RNF169: variants seen among roughly 807,000 people sequenced by gnomAD.
The protein encoded by RNF169 is ring finger protein 169.
Under a neutral mutation model 53.9 loss-of-function variants are expected in RNF169, and 24 were observed. The ratio of observed to expected loss-of-function variants is 0.45; its 90% CI spans 0.32 to 0.63. The LOEUF (loss-of-function observed/expected upper bound fraction) is 0.63. Ranked by LOEUF, RNF169 falls within the 20% of genes least tolerant of loss-of-function variation. RNF169 has a pLI of 0.04. For missense variants in RNF169, 883 were observed against 906.2 expected (o/e 0.97, Z 0.33); for synonymous variants, 396 against 363.5 (o/e 1.09, Z -1.02).
At chr11:74,819,680 C>CTGA (rs2035984035) in intron 4 of RNF169, among the ~76,000 whole-genome samples, 1 of 152,144 alleles carries the variant, frequency 6.6e-6, no homozygotes, top group South Asian at 2.1e-4. Flanking sequence ...CTTAGATTGG[C>CTGA]TGATGGCTGT....
chr11:74,812,109 A>C (rs2035883654), intron 3 of RNF169, among the ~76,000 whole-genome samples: 1 of 152,102 alleles, frequency 6.6e-6, no homozygotes, highest in Non-Finnish European at 1.5e-5. Context: ...ACCATTTTTG[A>C]AATAGAAATC....
intron 4 of RNF169, among the ~76,000 whole-genome samples, chr11:74,829,609 T>C (rs570148382): frequency 1.6e-3 from 237 of 152,300 alleles, no homozygotes; most frequent in Non-Finnish European, 3.0e-3. Flanking sequence ...CATTCAGTGA[T>C]AGACCGAATA....
In RNF169 at chr11:74,835,571, A is replaced by G; in HGVS notation, c.968A>G (p.Asn323Ser). The G allele has an allele frequency of 6.2e-7, 1 of 1,613,926 alleles. No individual in the cohort carries two copies. The highest frequency in any genetic ancestry group is 8.5e-7 in the Non-Finnish European group (1 of 1,179,930). Residue 323 changes from asparagine to serine, a missense_variant, in exon 6 of 6, where the codon AAC becomes AGC. Asn to Ser is a conservative substitution (Grantham distance 46, BLOSUM62 1). Coordinates refer to ENST00000299563, the MANE Select transcript of RNF169 (RefSeq NM_001098638.2). ...GTCACAACTATGACTCCAGCCTCCAACCCCATCATTGGTGTCCTCTTGTCA... is the reference window on the plus strand; with the variant it reads ...GTCACAACTATGACTCCAGCCTCCAGCCCCATCATTGGTGTCCTCTTGTCA... ...AKVTTMTPAS[N>S]PIIGVLLSTQ...
intron 1 of RNF169, among the ~76,000 whole-genome samples, chr11:74,755,963 C>T (rs545330904): frequency 1.1e-4 from 16 of 152,164 alleles, no homozygotes; most frequent in Middle Eastern, 3.4e-3. Flanking sequence ...TCATACTGTG[C>T]TTTAGAAAGA....
At position 74,836,225 on chromosome 11, in the gene RNF169, C is replaced by A. The variant is rs747010793; in HGVS notation, c.1622C>A (p.Thr541Asn). 6.2e-7 allele frequency: 1 copy of A among 1,614,160 alleles called. No individual in the cohort carries two copies. The highest frequency in any genetic ancestry group is 1.7e-5 in the Admixed American group (1 of 60,022). ...SSELKGGGSG[T>N]SLEREQFEGL... ...GAACTCAAAGGGGGAGGCAGTGGGA[C>A]TTCTTTGGAGAGGGAGCAGTTTGAG... is the stretch of plus-strand genomic sequence containing the variant. Residue 541 changes from threonine (T) to asparagine (N), a missense_variant, in exon 6 of 6, where the codon ACT (threonine) becomes AAT (asparagine). Physicochemically the swap from Thr to Asn is moderately conservative, Grantham distance 65. Coordinates refer to ENST00000299563, the MANE Select transcript of RNF169 (RefSeq NM_001098638.2).
chr11:74,767,601 G>A (rs868051958), intron 1 of RNF169, among the ~76,000 whole-genome samples: 3 of 151,356 alleles, frequency 2.0e-5, no homozygotes, highest in Non-Finnish European at 1.5e-5. Flanking sequence ...ATGGAGTCTC[G>A]CTCTGTCGCC....
chr11:74,835,854 C>T lies in RNF169; in HGVS notation c.1251C>T (p.Ser417=), dbSNP rs2135154840. 1 of 1,614,156 alleles carries T rather than the reference C, an allele frequency of 6.2e-7. No individual in the cohort carries two copies. Among genetic ancestry groups the T allele is most frequent in the Middle Eastern group, 1.6e-4 (1 of 6,062 alleles). Residue 417 remains serine (S), a synonymous_variant, in exon 6 of 6, where the codon AGC becomes AGT. Transcript: ENST00000299563. ...CAACTCCACGCAACCTAAACAGAAG[C>T]CTGCAGAAGCAGACTTCTTATGAGG... The part of the protein sequence containing the change: ...IKSTPRNLNR[S]LQKQTSYEAS...
chr11:74,816,225 A>T (rs142121374), intron 3 of RNF169, among the ~76,000 whole-genome samples: 1 of 152,342 alleles, frequency 6.6e-6, no homozygotes, highest in Non-Finnish European at 1.5e-5. Context: ...TTTGATAATC[A>T]TTTGATCATT....
chr11:74,771,704 C>CA (rs982362297), intron 1 of RNF169, among the ~76,000 whole-genome samples: 1 of 151,130 alleles, frequency 6.6e-6, no homozygotes, highest in African/African-American at 2.4e-5. Context: ...ACTTTGTCTC[C>CA]AAAAAAAATA....
intron 4 of RNF169, among the ~76,000 whole-genome samples, chr11:74,827,276 T>C (rs1485756158): frequency 1.3e-5 from 2 of 152,172 alleles, no homozygotes; most frequent in Non-Finnish European, 2.9e-5. Context: ...CATTGGCCCC[T>C]TTTAGCCACG....
Position 74,749,044 on chromosome 11 carries a change from T to G in RNF169, c.164T>G (p.Leu55Arg). The change falls in exon 1 of 6, where the codon CTG (leucine) becomes CGG (arginine). Residue 55 changes from leucine to arginine, a missense_variant. Around this residue, in one of 3 missense-constraint regions of RNF169, gnomAD observed 313 missense variants for 279.9 expected, o/e 1.12. Coordinates refer to ENST00000299563, the MANE Select transcript of RNF169 (RefSeq NM_001098638.2). Reference protein sequence around the residue: ...PSLLVLSPPLLQPPLPPRPEE... With the variant: ...PSLLVLSPPLRQPPLPPRPEE... Reference sequence around the variant, plus strand: ...CTGTTGGTGTTGTCGCCGCCGTTGCTGCAGCCGCCGCTGCCGCCGCGGCCG... The same window carrying G: ...CTGTTGGTGTTGTCGCCGCCGTTGCGGCAGCCGCCGCTGCCGCCGCGGCCG... The G allele has an allele frequency of 6.8e-7, 1 of 1,468,730 alleles. No homozygotes were observed. Among genetic ancestry groups the G allele is most frequent in the Non-Finnish European group, 9.0e-7 (1 of 1,108,612 alleles). 91.0% of individuals were successfully genotyped at this position (1,468,730 alleles called of 1,614,324 possible). A position where few individuals can be genotyped will look rare whatever the true frequency, so the allele number is the denominator to read the frequency against.
intron 1 of RNF169, among the ~76,000 whole-genome samples, chr11:74,766,035 A>T (rs2135318964): frequency 6.6e-6 from 1 of 152,226 alleles, no homozygotes; most frequent in African/African-American, 2.4e-5. Flanking sequence ...ATCAAAGAAA[A>T]GGCATAAATA....
At chr11:74,794,023 T>G (rs1313371631) in intron 2 of RNF169, among the ~76,000 whole-genome samples, 1 of 152,212 alleles carries the variant, frequency 6.6e-6, no homozygotes, top group African/African-American at 2.4e-5. Context: ...AAATATTTAT[T>G]GTGCCCCTAG....
Position 74,836,556 on chromosome 11 carries a change from A to G in RNF169, c.1953A>G (p.Pro651=). Reference sequence around the variant, plus strand: ...CCAGTGGGGAGGTGGGTCTGGCCCCAACAGACCCAGTCCTGCGAGAGATGG... The same window carrying G: ...CCAGTGGGGAGGTGGGTCTGGCCCCGACAGACCCAGTCCTGCGAGAGATGG... ...RQTSGEVGLA[P]TDPVLREMEQ... The change falls in exon 6 of 6, where the codon CCA becomes CCG. Residue 651 remains proline, a synonymous_variant. Transcript: ENST00000299563. The G allele has an allele frequency of 6.2e-7, 1 of 1,614,128 alleles. No homozygotes were observed. Among genetic ancestry groups the G allele is most frequent in the Non-Finnish European group, 8.5e-7 (1 of 1,180,022 alleles).
rs902767050 is a variant in RNF169, at chr11:74,817,503, A to G, written c.724-93A>G. ...AAACATAGGTTGGAGCTCACAGAGA[A>G]GCGACATAGAGAAAGAGATTTGAAC... On this transcript the variant is annotated intron_variant, in intron 3 of 5. Transcript: ENST00000299563. 16 of 752,074 alleles carry G rather than the reference A, an allele frequency of 2.1e-5. No individual in the cohort carries two copies. The Admixed American group carries it at 3.5e-4, about 16-fold the overall frequency. 46.6% of individuals were successfully genotyped at this position (752,074 alleles called of 1,614,324 possible).
intron 1 of RNF169, among the ~76,000 whole-genome samples, chr11:74,766,217 G>A (rs1006612916): frequency 4.6e-5 from 7 of 152,302 alleles, no homozygotes; most frequent in African/African-American, 1.7e-4. Context: ...GACTAGAAAT[G>A]TAACTAATTA....
At chr11:74,786,908 G>A (rs1373310007) in intron 1 of RNF169, among the ~76,000 whole-genome samples, 1 of 152,160 alleles carries the variant, frequency 6.6e-6, no homozygotes, top group East Asian at 1.9e-4. Context: ...AAGTATTTTG[G>A]AGAAAGCAAA....
At chr11:74,799,770 A>G (rs1334201217) in intron 2 of RNF169, among the ~76,000 whole-genome samples, 1 of 151,980 alleles carries the variant, frequency 6.6e-6, no homozygotes, top group Non-Finnish European at 1.5e-5. Context: ...GAACATAAGC[A>G]GAATTGTGCA....
At chr11:74,802,960 G>A (rs1438928843) in intron 2 of RNF169, among the ~76,000 whole-genome samples, 2 of 151,816 alleles carry the variant, frequency 1.3e-5, no homozygotes, top group Admixed American at 6.6e-5. Flanking sequence ...TTGCTCTGTC[G>A]CCCAGGCTGG....
Sources: gnomAD v4.1 joint callset for allele counts (sites outside exome capture counted in the v4.1 genomes callset) on GRCh38, gnomAD v4.1.1 for gene constraint, gnomAD v4.1.1 regional missense constraint, MANE v1.5 for transcripts, NCBI Gene and HGNC (gene_info 2026-07-23, HGNC 2026-07-21) for gene names.